Variants in NTN4 observed in about 807,000 individuals in gnomAD.
NTN4 encodes netrin-4.
A neutral mutation model predicts 73.6 loss-of-function variants in NTN4; 32 were observed. The ratio of observed to expected loss-of-function variants is 0.44; its 90% CI spans 0.33 to 0.58. The LOEUF is 0.58. NTN4 is among the 20% of genes least tolerant of loss of function. NTN4 has a pLI of 0.04. For missense variants in NTN4, 654 were observed against 798.3 expected (o/e 0.82, Z 2.18); for synonymous variants, 258 against 287.5 (o/e 0.90, Z 1.04).
rs1289175795 is a variant in NTN4 at position 95,781,765 on chromosome 12, C to T, written c.585+5174G>A. Among the ~76,000 whole-genome samples, 1 of 152,030 alleles carries T rather than the reference C, an allele frequency of 6.6e-6. No individual in the cohort carries two copies. Among genetic ancestry groups the T allele is most frequent in the Non-Finnish European group, 1.5e-5 (1 of 68,010 alleles). On this transcript the variant is annotated intron_variant, in intron 2 of 9. Transcript: ENST00000343702. The surrounding 1 kb of genome is among the most constrained non-coding windows in gnomAD (Gnocchi z 4.1). ...AAAATAGAAAAATAAAAATAGCAAA[C>T]CTTCCCCTGCCAGCATTCCCCATCC...
intron 5 of NTN4, among the ~76,000 whole-genome samples, chr12:95,709,332 G>C (rs963511153): frequency 1.3e-5 from 2 of 152,096 alleles, no homozygotes; most frequent in African/African-American, 4.8e-5. Flanking sequence ...GATGATTTCT[G>C]AGCTGAGAGA....
chr12:95,696,076 T>C (rs961207372), intron 5 of NTN4, among the ~76,000 whole-genome samples: 1 of 149,306 alleles, frequency 6.7e-6, no homozygotes, highest in African/African-American at 2.4e-5. Context: ...GTATTTCCAA[T>C]CTATGCAGGC....
At chr12:95,679,492 A>G (rs1349415920) in intron 7 of NTN4, among the ~76,000 whole-genome samples, 1 of 152,172 alleles carries the variant, frequency 6.6e-6, no homozygotes. Flanking sequence ...TTTGACTTCT[A>G]CATCCCATCC....
chr12:95,699,753 G>A (rs554394693), intron 5 of NTN4, among the ~76,000 whole-genome samples: 34 of 152,278 alleles, frequency 2.2e-4, no homozygotes, highest in African/African-American at 8.2e-4. Flanking sequence ...TTAGGGCAGA[G>A]AGACCAAGTT....
intron 3 of NTN4, among the ~76,000 whole-genome samples, chr12:95,720,163 C>A (rs2078635938): frequency 6.6e-6 from 1 of 152,134 alleles, no homozygotes; most frequent in African/African-American, 2.4e-5. Flanking sequence ...TGCACTTACC[C>A]TCAGGAGGGG....
rs1221344870 is a variant in NTN4, at chr12:95,658,300, G to GT, written c.*785dup. 4.6e-5 allele frequency: 7 copies of GT among 152,252 alleles called. No homozygotes were observed. In the East Asian group the frequency reaches 1.3e-3, roughly 29 times the overall value. The allele number at this position is 152,252 out of a possible 1,614,324, so 9.4% of individuals were successfully genotyped here. On this transcript the variant is annotated 3_prime_UTR_variant, in exon 10 of 10. Transcript: ENST00000343702. Reference sequence around the variant, plus strand: ...TTATTTTAAAGTCTCTTCTGGTTTAGTTTTTTAAAAAGTTTCATCATGGCT... The same window carrying GT: ...TTATTTTAAAGTCTCTTCTGGTTTAGTTTTTTTAAAAAGTTTCATCATGGCT...
chr12:95,728,641 C>T (rs1228435745), intron 3 of NTN4, among the ~76,000 whole-genome samples: 1 of 152,160 alleles, frequency 6.6e-6, no homozygotes, highest in Admixed American at 6.5e-5. Context: ...AGGTTCTTAT[C>T]TGGGAAACAA....
chr12:95,761,387 G>A (rs928517796), intron 2 of NTN4, among the ~76,000 whole-genome samples: 12 of 144,584 alleles, frequency 8.3e-5, no homozygotes, highest in Non-Finnish European at 1.3e-4. Context: ...ATAGAGTGCA[G>A]TGGTGCGATC....
chr12:95,772,434 T>A (rs796745675), intron 2 of NTN4, among the ~76,000 whole-genome samples: 1 of 152,186 alleles, frequency 6.6e-6, no homozygotes, highest in African/African-American at 2.4e-5. Flanking sequence ...TCTCTTTTTT[T>A]AATCCATACT....
intron 2 of NTN4, among the ~76,000 whole-genome samples, chr12:95,779,883 A>C (rs573794297): frequency 1.4e-3 from 208 of 152,368 alleles, no homozygotes; most frequent in African/African-American, 4.8e-3. Context: ...AGCTGGAGGC[A>C]TCACGCTACC....
chr12:95,725,605 A>T (rs1386545174), intron 3 of NTN4, among the ~76,000 whole-genome samples: 1 of 152,160 alleles, frequency 6.6e-6, no homozygotes, highest in Non-Finnish European at 1.5e-5. Flanking sequence ...TACAGGGCAC[A>T]GGGTATTACA....
intron 3 of NTN4, among the ~76,000 whole-genome samples, chr12:95,729,186 T>C (rs2078717374): frequency 6.6e-6 from 1 of 151,910 alleles, no homozygotes; most frequent in African/African-American, 2.4e-5. Context: ...TGTTTACTTG[T>C]ATGAAGTGCA....
At chr12:95,664,148 G>A (rs962842175) in intron 9 of NTN4, among the ~76,000 whole-genome samples, 4 of 152,074 alleles carry the variant, frequency 2.6e-5, no homozygotes, top group African/African-American at 9.6e-5. Context: ...TGACCTCCCC[G>A]GCTCAAGTGA....
chr12:95,749,575 T>C (rs1168037358), intron 2 of NTN4, among the ~76,000 whole-genome samples: 1 of 152,214 alleles, frequency 6.6e-6, no homozygotes, highest in East Asian at 1.9e-4. Flanking sequence ...ATTTTATCCG[T>C]GCACCCAAAA....
At chr12:95,736,960 T>C (rs12319514) in intron 3 of NTN4, among the ~76,000 whole-genome samples, 1,593 of 152,312 alleles carry the variant, frequency 0.01, 32 homozygotes, top group African/African-American at 0.037. Context: ...AGTAGCATAT[T>C]CTGCAGCCTT....
intron 5 of NTN4, among the ~76,000 whole-genome samples, chr12:95,690,670 G>A (rs2078395396): frequency 6.6e-6 from 1 of 151,624 alleles, no homozygotes; most frequent in Admixed American, 6.6e-5. Context: ...TCAAAACAGT[G>A]TAGACATTAC....
chr12:95,790,927 C>CCGGGG (rs2079205621), upstream of NTN4, among the ~76,000 whole-genome samples: 1 of 84,430 alleles, frequency 1.2e-5, no homozygotes, highest in Admixed American at 1.4e-4. This position sits in a 1 kb window ranked among gnomAD's most constrained non-coding sequence, Gnocchi z 6.5. Flanking sequence ...CCGCTGCCGC[C>CCGGGG]CGGGGGGGGG....
chr12:95,754,164 T>C (rs537631038), intron 2 of NTN4, among the ~76,000 whole-genome samples: 1 of 152,244 alleles, frequency 6.6e-6, no homozygotes, highest in Non-Finnish European at 1.5e-5. Context: ...TTTTTCTCCT[T>C]CTTTTATTCC....
intron 5 of NTN4, among the ~76,000 whole-genome samples, chr12:95,703,515 G>A (rs1269342306): frequency 6.6e-6 from 1 of 152,192 alleles, no homozygotes. Flanking sequence ...TTAAATTGGA[G>A]AGATGTCAAA....
Sources: gnomAD v4.1 joint callset for allele counts (sites outside exome capture counted in the v4.1 genomes callset) on GRCh38, gnomAD v4.1.1 for gene constraint, Gnocchi (gnomAD v3.1) non-coding constraint, MANE v1.5 for transcripts, NCBI Gene and HGNC (gene_info 2026-07-23, HGNC 2026-07-21) for gene names.